The following FHIT variants were observed in gnomAD, a reference collection of about 807,000 sequenced individuals.
FHIT encodes bis(5'-adenosyl)-triphosphatase.
FHIT carries 19 observed loss-of-function variants against 17.9 expected under a neutral mutation model. That is an observed-to-expected ratio of 1.06 (90% confidence interval 0.74 to 1.56). The LOEUF (loss-of-function observed/expected upper bound fraction) is 1.56. Among genes scored for constraint, FHIT ranks in the 40% most tolerant of loss-of-function variants. FHIT has a pLI of 0.00. For synonymous variants in FHIT, 81 were observed against 69.7 expected (o/e 1.16, Z -0.81); for missense variants, 248 against 189.2 (o/e 1.31, Z -1.82).
intron 1 of FHIT, among the ~76,000 whole-genome samples, chr3:61,215,916 T>C (rs1560085377): frequency 6.6e-6 from 1 of 152,322 alleles, no homozygotes; most frequent in Non-Finnish European, 1.5e-5. Flanking sequence ...ATTTAATAAA[T>C]GGTGCTGGGA....
Position 60,001,811 on chromosome 3 carries a change from A to G in FHIT, c.279+9560T>C, listed in dbSNP as rs556187185. Among the ~76,000 whole-genome samples, 9 of 152,212 alleles carry G rather than the reference A, an allele frequency of 5.9e-5. No homozygotes were observed. In the South Asian group the frequency reaches 1.5e-3, roughly 25 times the overall value. On this transcript the variant is annotated intron_variant, in intron 7 of 9. Transcript: ENST00000492590. ...GTCACATTTATTCCTTCCTTGGCCA[A>G]ACAGTTTCATCAAAATTATACTGCT...
At chr3:60,925,351 C>T (rs896558635) in intron 3 of FHIT, among the ~76,000 whole-genome samples, 16 of 152,230 alleles carry the variant, frequency 1.1e-4, no homozygotes. Context: ...TTCAGACTAA[C>T]AGCAGATCTC....
At chr3:61,238,196 C>G (rs2040280346) in intron 1 of FHIT, among the ~76,000 whole-genome samples, 1 of 152,110 alleles carries the variant, frequency 6.6e-6, no homozygotes, top group Non-Finnish European at 1.5e-5. Context: ...AAACGGGAGG[C>G]TATGCAAATT....
intron 2 of FHIT, among the ~76,000 whole-genome samples, chr3:61,150,622 A>G (rs2037360775): frequency 6.6e-6 from 1 of 152,204 alleles, no homozygotes; most frequent in Non-Finnish European, 1.5e-5. Context: ...ATTATTGTCT[A>G]TTTTACATAA....
intron 5 of FHIT, among the ~76,000 whole-genome samples, chr3:60,245,452 C>T (rs1207886804): frequency 2.6e-5 from 4 of 151,944 alleles, no homozygotes; most frequent in Admixed American, 6.6e-5. Context: ...TCATAATTAC[C>T]TTCTATCATG....
chr3:60,161,781 C>A (rs1323655383), intron 5 of FHIT, among the ~76,000 whole-genome samples: 5 of 152,058 alleles, frequency 3.3e-5, no homozygotes, highest in Non-Finnish European at 1.5e-5. Flanking sequence ...CTGAAAGTCA[C>A]AATCAGCATA....
intron 5 of FHIT, among the ~76,000 whole-genome samples, chr3:60,253,756 T>C (rs1705843252): frequency 6.6e-6 from 1 of 152,224 alleles, no homozygotes; most frequent in African/African-American, 2.4e-5. Context: ...TCAGCCAATA[T>C]GTCCTCCTTC....
At chr3:60,051,326 CTT>C (rs773498624) in intron 5 of FHIT, among the ~76,000 whole-genome samples, 71 of 131,812 alleles carry the variant, frequency 5.4e-4, no homozygotes, top group African/African-American at 1.1e-3. Flanking sequence ...ATTTAGGATG[CTT>C]TTTTTTTTTT....
intron 3 of FHIT, among the ~76,000 whole-genome samples, chr3:60,884,567 A>T (rs1336633600): frequency 1.3e-5 from 2 of 152,160 alleles, no homozygotes; most frequent in African/African-American, 2.4e-5. Context: ...AATATATTTT[A>T]AAAAATAATA....
intron 4 of FHIT, among the ~76,000 whole-genome samples, chr3:60,579,673 A>T (rs982755045): frequency 4.6e-5 from 7 of 152,172 alleles, no homozygotes; most frequent in Non-Finnish European, 1.0e-4. Context: ...TACATTAGCT[A>T]AACTATTACT....
chr3:60,460,597 A>T lies in FHIT; in HGVS notation c.103+76263T>A, dbSNP rs564453988. Among the ~76,000 whole-genome samples the T allele has an allele frequency of 2.6e-5, 4 of 152,310 alleles. No homozygotes were observed. In the South Asian group the frequency reaches 8.3e-4, roughly 32 times the overall value. Reference sequence around the variant, plus strand: ...TATTCAGATCCACCTTGGTAAAATAAATACATTCAATAAACACAGAATACA... The same window carrying T: ...TATTCAGATCCACCTTGGTAAAATATATACATTCAATAAACACAGAATACA... On this transcript the variant is annotated intron_variant, in intron 5 of 9. Transcript: ENST00000492590.
At chr3:60,376,921 A>G (rs1342291179) in intron 5 of FHIT, among the ~76,000 whole-genome samples, 1 of 152,206 alleles carries the variant, frequency 6.6e-6, no homozygotes, top group African/African-American at 2.4e-5. Context: ...CACTGGTTAT[A>G]ATTCAGTGGG....
At chr3:60,241,130 A>G (rs1193987784) in intron 5 of FHIT, among the ~76,000 whole-genome samples, 3 of 152,170 alleles carry the variant, frequency 2.0e-5, no homozygotes, top group African/African-American at 7.2e-5. Context: ...ACTTCACTGA[A>G]GAAGTTTAAA....
chr3:60,192,306 A>G (rs1702438046), intron 5 of FHIT, among the ~76,000 whole-genome samples: 1 of 151,728 alleles, frequency 6.6e-6, no homozygotes, highest in Non-Finnish European at 1.5e-5. Flanking sequence ...ATGGCCTTTG[A>G]AAAAGGTAAA....
At chr3:61,220,413 A>G (rs965504701) in intron 1 of FHIT, among the ~76,000 whole-genome samples, 1 of 152,204 alleles carries the variant, frequency 6.6e-6, no homozygotes, top group Non-Finnish European at 1.5e-5. Flanking sequence ...AAAGGCCCCA[A>G]AAACCTAACA....
intron 7 of FHIT, among the ~76,000 whole-genome samples, chr3:59,983,900 G>T (rs1010557570): frequency 6.6e-5 from 10 of 152,136 alleles, no homozygotes; most frequent in Non-Finnish European, 1.5e-4. Flanking sequence ...AGTCATGAGG[G>T]AGGAAGAGTT....
chr3:59,992,451 T>A (rs773390649), intron 7 of FHIT, among the ~76,000 whole-genome samples: 1 of 152,084 alleles, frequency 6.6e-6, no homozygotes, highest in Non-Finnish European at 1.5e-5. Flanking sequence ...CTTCACTAAA[T>A]CCAAAGTATT....
intron 8 of FHIT, among the ~76,000 whole-genome samples, chr3:59,788,554 C>A (rs1282383567): frequency 6.6e-6 from 1 of 152,160 alleles, no homozygotes; most frequent in African/African-American, 2.4e-5. Context: ...GGGCTAAAGG[C>A]AGGCTACGAT....
chr3:59,963,808 G>A (rs1388151615), intron 7 of FHIT, among the ~76,000 whole-genome samples: 1 of 152,182 alleles, frequency 6.6e-6, no homozygotes, highest in Non-Finnish European at 1.5e-5. Flanking sequence ...CTTTAAAATA[G>A]CGTGTGAATA....
Sources: allele counts gnomAD v4.1 joint callset (sites outside exome capture counted in the v4.1 genomes callset), GRCh38; gene constraint gnomAD v4.1.1; transcripts MANE v1.5; gene names NCBI Gene and HGNC (gene_info 2026-07-23, HGNC 2026-07-21).